The following CYFIP1 variants were observed in gnomAD, a reference collection of about 807,000 sequenced individuals.
CYFIP1 encodes the protein cytoplasmic FMR1 interacting protein 1, also known as cytoplasmic FMR1-interacting protein 1.
A neutral mutation model predicts 163.5 loss-of-function variants in CYFIP1; 58 were observed. The observed-to-expected ratio is 0.35, with a 90% CI of 0.29 to 0.44. CYFIP1 has a LOEUF of 0.44. Ranked by LOEUF, CYFIP1 falls within the 20% of genes least tolerant of loss-of-function variation. The pLI is 1.00. For synonymous variants in CYFIP1, 663 were observed against 660.7 expected, an observed-to-expected ratio of 1.00 and a Z score of -0.05; for missense variants, 1,338 against 1,653.8, an observed-to-expected ratio of 0.81 and a Z score of 3.31.
At chr15:22,964,720 A>AT (rs1467549636) in intron 1 of CYFIP1, among the ~76,000 whole-genome samples, 1 of 152,176 alleles carries the variant, frequency 6.6e-6, no homozygotes, top group Admixed American at 6.5e-5. Flanking sequence ...GTCTGAGCTC[A>AT]TTCAACCCCT....
intron 1 of CYFIP1, among the ~76,000 whole-genome samples, chr15:22,978,593 G>A (rs1486054618): frequency 6.6e-6 from 1 of 151,894 alleles, no homozygotes; most frequent in Non-Finnish European, 1.5e-5. Flanking sequence ...AAGTACCGAG[G>A]GAATTTCACT....
Position 22,875,277 on chromosome 15 carries a change from G to A in CYFIP1, c.3043-6C>T. 1.9e-6 allele frequency: 3 copies of A among 1,613,742 alleles called. No homozygotes were observed. The highest frequency in any genetic ancestry group is 2.5e-6 in the Non-Finnish European group (3 of 1,179,658). ...TCACACACTTCTTCTAAAGACTAGA[G>A]CAGAGAAAGAGAGGGTCAAGCTAGG... On this transcript the variant is annotated splice_polypyrimidine_tract_variant and splice_region_variant and intron_variant, in intron 26 of 30. Transcript: ENST00000617928.
intron 16 of CYFIP1, 119 bp from the exon 17 acceptor site, chr15:22,915,001 C>T: frequency 9.3e-7 from 1 of 1,074,622 alleles, no homozygotes; most frequent in Non-Finnish European, 1.3e-6. Flanking sequence ...CCAAGCCATG[C>T]AGCATGGACA....
rs149292344 is a variant in CYFIP1, at chr15:22,921,554, G to T, written c.1360-2696C>A. Among the ~76,000 whole-genome samples the T allele has an allele frequency of 7.6e-4, 115 of 151,822 alleles. 1 individual carries two copies. Among genetic ancestry groups the T allele is most frequent in the African/African-American group, 2.6e-3 (107 of 41,434 alleles). On this transcript the variant is annotated intron_variant, in intron 13 of 30. Coordinates refer to ENST00000617928, the MANE Select transcript of CYFIP1 (RefSeq NM_014608.6). ...AAGCAGGCCAGGCACAGTAGCTCAC[G>T]CCTGTAATCCCAGCACTTTGGGAGG... is the stretch of plus-strand genomic sequence containing the variant.
chr15:22,883,721 G>A (rs1208492755), intron 23 of CYFIP1, among the ~76,000 whole-genome samples: 3 of 151,178 alleles, frequency 2.0e-5, no homozygotes, highest in East Asian at 1.9e-4. Context: ...GGAGGCTGAG[G>A]CAGGAGAATG....
Position 22,980,352 on chromosome 15 carries a change from T to G in CYFIP1, c.-72A>C, listed in dbSNP as rs1217919036. Reference sequence around the variant, plus strand: ...GAGTTTCCTTGGCCGAGTGAGTCACTCGGGCTGGCCGGGAATGCGCCAGGA... The same window carrying G: ...GAGTTTCCTTGGCCGAGTGAGTCACGCGGGCTGGCCGGGAATGCGCCAGGA... On this transcript the variant is annotated 5_prime_UTR_variant, in exon 1 of 31. Transcript: ENST00000617928. The G allele has an allele frequency of 1.3e-5, 2 of 151,224 alleles. No individual in the cohort carries two copies. The highest frequency in any genetic ancestry group is 3.0e-5 in the Non-Finnish European group (2 of 67,708). 9.4% of individuals were successfully genotyped at this position (151,224 alleles called of 1,614,324 possible). A position where few individuals can be genotyped will look rare whatever the true frequency, so the allele number is the denominator to read the frequency against.
At chr15:22,899,577 G>A (rs1307247431) in intron 22 of CYFIP1, among the ~76,000 whole-genome samples, 1 of 152,130 alleles carries the variant, frequency 6.6e-6, no homozygotes, top group South Asian at 2.1e-4. Flanking sequence ...GCTGCCATGT[G>A]AGACATCCCT....
chr15:22,973,494 G>C (rs1031271955), intron 1 of CYFIP1, among the ~76,000 whole-genome samples: 2 of 151,888 alleles, frequency 1.3e-5, no homozygotes, highest in African/African-American at 4.8e-5. Context: ...GTATCTAACT[G>C]TAAATGTGTA....
At chr15:22,870,288 A>G (rs1183564333) in intron 30 of CYFIP1, 96 bp from the exon 31 acceptor site, 19 of 1,433,568 alleles carry the variant, frequency 1.3e-5, no homozygotes, top group Non-Finnish European at 1.6e-5. Context: ...TCTCAGAAAA[A>G]TAATAGCAAA....
rs534984806 is a variant in CYFIP1, at chr15:22,876,525, T to C, written c.3043-1254A>G. Among the ~76,000 whole-genome samples, 6 of 152,160 alleles carry C rather than the reference T, an allele frequency of 3.9e-5. 1 individual carries two copies. Among genetic ancestry groups the C allele is most frequent in the South Asian group, 4.2e-4 (2 of 4,818 alleles). On this transcript the variant is annotated intron_variant, in intron 26 of 30. Coordinates refer to ENST00000617928, the MANE Select transcript of CYFIP1 (RefSeq NM_014608.6). ...GTCCTGGGATGGACATAAATAATTA[T>C]AGAACCACAAGAGTTTGTTTATGTG...
At chr15:22,896,587 G>A (rs1396956252) in intron 22 of CYFIP1, among the ~76,000 whole-genome samples, 5 of 151,422 alleles carry the variant, frequency 3.3e-5, no homozygotes, top group African/African-American at 1.2e-4. Context: ...CTCAACTCCC[G>A]CAAAGTCTAC....
intron 13 of CYFIP1, among the ~76,000 whole-genome samples, chr15:22,919,251 A>G (rs1434620245): frequency 6.6e-6 from 1 of 152,240 alleles, no homozygotes; most frequent in Non-Finnish European, 1.5e-5. Context: ...ACAAAGGCGC[A>G]GTGAACTACC....
chr15:22,919,579 C>T (rs539179366), intron 13 of CYFIP1, among the ~76,000 whole-genome samples: 2 of 152,320 alleles, frequency 1.3e-5, no homozygotes, highest in African/African-American at 4.8e-5. Context: ...GCAAGACACA[C>T]TTACCCCAAG....
intron 3 of CYFIP1, among the ~76,000 whole-genome samples, chr15:22,946,513 C>T (rs558224830): frequency 2.0e-5 from 3 of 151,306 alleles, no homozygotes; most frequent in Admixed American, 1.3e-4. Flanking sequence ...TAGTGGTGGG[C>T]GCCAGTAGTC....
At chr15:22,979,936 C>T (rs1397245843) in intron 1 of CYFIP1, among the ~76,000 whole-genome samples, 1 of 152,212 alleles carries the variant, frequency 6.6e-6, no homozygotes, top group African/African-American at 2.4e-5. Flanking sequence ...TGGAGCTGTG[C>T]CATGTGCCGG....
intron 30 of CYFIP1, among the ~76,000 whole-genome samples, chr15:22,872,166 G>T (rs1318167194): frequency 6.6e-6 from 1 of 151,730 alleles, no homozygotes; most frequent in African/African-American, 2.4e-5. Context: ...GTGGTGGCAG[G>T]TGCCTATAAT....
rs1329931205 is a variant in CYFIP1 at position 22,928,038 on chromosome 15, G to A, written c.1111-10C>T. On this transcript the variant is annotated splice_polypyrimidine_tract_variant and intron_variant, in intron 11 of 30. Coordinates refer to ENST00000617928, the MANE Select transcript of CYFIP1 (RefSeq NM_014608.6). ...CCGAGCCCGTGACCACCTGCACAAG[G>A]CGGGCACGGCCCCGTGAGAAACCAG... is the stretch of plus-strand genomic sequence containing the variant. 1 of 1,518,048 alleles carries A rather than the reference G, an allele frequency of 6.6e-7. No homozygotes were observed. Among genetic ancestry groups the A allele is most frequent in the East Asian group, 2.5e-5 (1 of 40,184 alleles). 94.0% of individuals were successfully genotyped at this position (1,518,048 alleles called of 1,614,324 possible). A position where few individuals can be genotyped will look rare whatever the true frequency, so the allele number is the denominator to read the frequency against.
At chr15:22,939,081 G>A (rs2061809971) in intron 8 of CYFIP1, 111 bp downstream of exon 8, 2 of 1,365,004 alleles carry the variant, frequency 1.5e-6, no homozygotes, top group East Asian at 2.3e-5. Flanking sequence ...ACACATGACA[G>A]CATGCAAATA....
At chr15:22,964,353 TCACACACA>T (rs71117466) in intron 1 of CYFIP1, among the ~76,000 whole-genome samples, 5,736 of 78,592 alleles carry the variant, frequency 0.073, 214 homozygotes, top group Non-Finnish European at 0.096. Context: ...ACCTCATCAC[TCACACACA>T]CACACACACA....
Sources: gnomAD v4.1 joint callset for allele counts (sites outside exome capture counted in the v4.1 genomes callset) on GRCh38, gnomAD v4.1.1 for gene constraint, MANE v1.5 for transcripts, NCBI Gene and HGNC (gene_info 2026-07-23, HGNC 2026-07-21) for gene names.